F13A1: variants seen among roughly 807,000 people sequenced by gnomAD.
F13A1 encodes FSF, A subunit.
A neutral mutation model predicts 80.1 loss-of-function variants in F13A1; 47 were observed. The observed-to-expected ratio is 0.59, with a 90% CI of 0.46 to 0.75. The LOEUF is 0.75. Ranked by LOEUF, F13A1 falls within the 30% of genes least tolerant of loss-of-function variation. The probability of loss-of-function intolerance (pLI) is 0.00; values close to 1 mark genes in which losing one functional copy is unlikely to be tolerated. For synonymous variants in F13A1, 349 were observed against 344.9 expected (o/e 1.01, Z -0.13); for missense variants, 817 against 930.4 (o/e 0.88, Z 1.59).
chr6:6,270,632 T>C lies in F13A1; in HGVS notation c.320-3823A>G, dbSNP rs1341648558. Among the ~76,000 whole-genome samples the C allele has an allele frequency of 5.3e-5, 8 of 152,252 alleles. No individual in the cohort carries two copies. The East Asian group carries it at 1.5e-3, about 29-fold the overall frequency. On this transcript the variant is annotated intron_variant, in intron 3 of 14. Transcript: ENST00000264870. ...TTGGTGAGGGCGTCATGTGTGCACA[T>C]CACATAGCTAGGCAGAAGTGGAGAC... is the stretch of plus-strand genomic sequence containing the variant.
chr6:6,152,153 CTT>C (rs926632085), intron 13 of F13A1, among the ~76,000 whole-genome samples: 2 of 152,214 alleles, frequency 1.3e-5, no homozygotes, highest in African/African-American at 4.8e-5. Flanking sequence ...GAATCGCACT[CTT>C]TTCCTCATTA....
intron 8 of F13A1, 112 bp downstream of exon 8, chr6:6,221,921 G>A: frequency 1.6e-6 from 2 of 1,258,230 alleles, no homozygotes; most frequent in Non-Finnish European, 2.3e-6. Flanking sequence ...TGCCTGTGCT[G>A]TTGAATGGTC....
chr6:6,179,194 G>A (rs1259628463), intron 11 of F13A1, among the ~76,000 whole-genome samples: 2 of 152,176 alleles, frequency 1.3e-5, no homozygotes, highest in Non-Finnish European at 2.9e-5. Context: ...AGCAAAGAGG[G>A]AATGGAATCA....
At chr6:6,262,516 C>T (rs1337673280) in intron 4 of F13A1, among the ~76,000 whole-genome samples, 2 of 152,194 alleles carry the variant, frequency 1.3e-5, no homozygotes, top group East Asian at 1.9e-4. Flanking sequence ...TGGGCCTCCA[C>T]AGGCCAAGTA....
rs186309534 is a variant in F13A1 at position 6,253,074 on chromosome 6, G to A, written c.572-2145C>T. Among the ~76,000 whole-genome samples, 774 of 143,972 alleles carry A rather than the reference G, an allele frequency of 5.4e-3. 5 individuals carry two copies. The highest frequency in any genetic ancestry group is 0.019 in the African/African-American group (732 of 38,628). 94.5% of individuals were successfully genotyped at this position (143,972 alleles called of 152,430 possible). ...CTCGGGAGGCTGAGGCAGGAGAATC[G>A]CTTGAGCCCAGGAGGCCGAGATAGC... On this transcript the variant is annotated intron_variant, in intron 4 of 14. Coordinates refer to ENST00000264870, the MANE Select transcript of F13A1 (RefSeq NM_000129.4).
intron 14 of F13A1, among the ~76,000 whole-genome samples, chr6:6,148,525 G>A (rs1024481373): frequency 1.3e-5 from 2 of 152,140 alleles, no homozygotes; most frequent in African/African-American, 4.8e-5. Flanking sequence ...AAAGGATTTT[G>A]GTTTTGTGGA....
At chr6:6,204,764 G>A (rs939725325) in intron 8 of F13A1, among the ~76,000 whole-genome samples, 4 of 152,250 alleles carry the variant, frequency 2.6e-5, no homozygotes, top group African/African-American at 9.6e-5. Context: ...TCAGAGGAAA[G>A]AGGCATGCTG....
At chr6:6,280,428 A>G (rs1037441075) in intron 3 of F13A1, among the ~76,000 whole-genome samples, 1 of 152,240 alleles carries the variant, frequency 6.6e-6, no homozygotes, top group African/African-American at 2.4e-5. Flanking sequence ...GGCAGAAAGA[A>G]TGACACACAT....
At chr6:6,206,424 GT>G in intron 8 of F13A1, 1 of 467,496 alleles carries the variant, frequency 2.1e-6, no homozygotes, top group South Asian at 1.6e-5. Context: ...TTTCTATGTG[GT>G]TTATTAAATG....
intron 6 of F13A1, among the ~76,000 whole-genome samples, chr6:6,245,940 A>G (rs898991546): frequency 6.6e-6 from 1 of 152,200 alleles, no homozygotes; most frequent in African/African-American, 2.4e-5. Context: ...GAGGTGTTTG[A>G]GAGGAATTCA....
chr6:6,164,981 G>A (rs1164883615), intron 13 of F13A1, among the ~76,000 whole-genome samples: 1 of 152,306 alleles, frequency 6.6e-6, no homozygotes, highest in East Asian at 1.9e-4. Flanking sequence ...TCCTTAGGGT[G>A]TGAGTGCTTT....
intron 3 of F13A1, among the ~76,000 whole-genome samples, chr6:6,301,914 G>C (rs1758437773): frequency 6.6e-6 from 1 of 152,164 alleles, no homozygotes; most frequent in African/African-American, 2.4e-5. Flanking sequence ...AGATCCACGG[G>C]GGCCCTGTCT....
intron 8 of F13A1, among the ~76,000 whole-genome samples, chr6:6,216,632 C>G (rs1561657988): frequency 1.3e-5 from 2 of 149,780 alleles, no homozygotes; most frequent in African/African-American, 5.1e-5. Flanking sequence ...GACTTCATGT[C>G]TAAAACACCA....
At chr6:6,213,785 T>A (rs1761668863) in intron 8 of F13A1, among the ~76,000 whole-genome samples, 1 of 148,752 alleles carries the variant, frequency 6.7e-6, no homozygotes, top group Non-Finnish European at 1.5e-5. Flanking sequence ...AGGAAACCCA[T>A]CTCACGTGCA....
chr6:6,224,525 A>C (rs1757248108), intron 7 of F13A1, among the ~76,000 whole-genome samples, 161 bp downstream of exon 7: 1 of 152,226 alleles, frequency 6.6e-6, no homozygotes. Context: ...TATTTGGCCC[A>C]CTACAATTTA....
chr6:6,177,725 C>G (rs1350223160), intron 11 of F13A1, among the ~76,000 whole-genome samples: 1 of 152,226 alleles, frequency 6.6e-6, no homozygotes, highest in Non-Finnish European at 1.5e-5. Flanking sequence ...AACAGTCTTT[C>G]CCTCACTGGT....
At chr6:6,251,752 G>A (rs1051574237) in intron 4 of F13A1, among the ~76,000 whole-genome samples, 5 of 152,194 alleles carry the variant, frequency 3.3e-5, no homozygotes, top group African/African-American at 1.2e-4. Context: ...AAATGCAAAA[G>A]GAATGGTAGA....
chr6:6,205,713 A>ATTATT (rs1414834186), intron 8 of F13A1, among the ~76,000 whole-genome samples: 2 of 151,890 alleles, frequency 1.3e-5, no homozygotes, highest in Non-Finnish European at 2.9e-5. Flanking sequence ...TACGTGTTTT[A>ATTATT]TTATTTTTTT....
chr6:6,201,789 C>T (rs2151084008), intron 8 of F13A1, among the ~76,000 whole-genome samples: 1 of 152,290 alleles, frequency 6.6e-6, no homozygotes, highest in East Asian at 1.9e-4. Context: ...AGCCATCCTC[C>T]TGCCCCAGTC....
Sources: allele counts gnomAD v4.1 joint callset (sites outside exome capture counted in the v4.1 genomes callset), GRCh38; gene constraint gnomAD v4.1.1; transcripts MANE v1.5; gene names NCBI Gene and HGNC (gene_info 2026-07-23, HGNC 2026-07-21).